Variants in SLC6A12 observed in about 807,000 individuals in gnomAD.
SLC6A12 encodes solute carrier family 6 member 12.
Under a neutral mutation model 73.3 loss-of-function variants are expected in SLC6A12, and 50 were observed. The observed-to-expected ratio is 0.68, with a 90% CI of 0.54 to 0.86. SLC6A12 has a LOEUF of 0.86. Among genes scored for constraint, SLC6A12 ranks in the 40% least tolerant of loss-of-function variants. The probability of loss-of-function intolerance (pLI) is 0.00; values close to 1 mark genes in which losing one functional copy is unlikely to be tolerated. For synonymous variants in SLC6A12, 304 were observed against 309.2 expected (o/e 0.98, Z 0.18); for missense variants, 648 against 772.8 (o/e 0.84, Z 1.92).
chr12:212,409 C>G (rs926103621), intron 1 of SLC6A12, among the ~76,000 whole-genome samples: 1 of 152,064 alleles, frequency 6.6e-6, no homozygotes, highest in Non-Finnish European at 1.5e-5. Flanking sequence ...GGCAGGGAAG[C>G]GAATCACAGA....
intron 2 of SLC6A12, among the ~76,000 whole-genome samples, chr12:211,453 G>T (rs1463935253): frequency 6.6e-6 from 1 of 152,242 alleles, no homozygotes. Context: ...GAGGGAGGAT[G>T]AGGATAGCCA....
chr12:187,130 T>C (rs1303817945), downstream of SLC6A12, among the ~76,000 whole-genome samples: 3 of 152,192 alleles, frequency 2.0e-5, no homozygotes, highest in Non-Finnish European at 2.9e-5. Flanking sequence ...AAATCAATTT[T>C]TTCATGCCAC....
At chr12:204,849 G>A (rs1339804551) in intron 3 of SLC6A12, 151 bp from the exon 4 acceptor site, 12 of 782,344 alleles carry the variant, frequency 1.5e-5, no homozygotes, top group African/African-American at 3.4e-5. Flanking sequence ...TCCTGCCTGC[G>A]TGCAGTCCTG....
downstream of SLC6A12, among the ~76,000 whole-genome samples, chr12:189,695 C>G (rs1939512149): frequency 6.6e-6 from 1 of 152,156 alleles, no homozygotes; most frequent in South Asian, 2.1e-4. Context: ...CAGCACAGAC[C>G]TTATCCAAAC....
intron 15 of SLC6A12, among the ~76,000 whole-genome samples, chr12:191,837 C>T (rs1313103348): frequency 6.6e-6 from 1 of 152,218 alleles, no homozygotes; most frequent in Non-Finnish European, 1.5e-5. Flanking sequence ...TCCCTAAGGG[C>T]CTCTTTAAGC....
chr12:187,484 G>C (rs1222183902), downstream of SLC6A12, among the ~76,000 whole-genome samples: 1 of 151,222 alleles, frequency 6.6e-6, no homozygotes. Context: ...CAGTGGTCTC[G>C]CTGGTTTCAG....
At chr12:185,307 C>A (rs1436655584), downstream of SLC6A12, among the ~76,000 whole-genome samples, 1 of 152,224 alleles carries the variant, frequency 6.6e-6, no homozygotes, top group African/African-American at 2.4e-5. Context: ...AACCCAAATT[C>A]CAAATGCACT....
downstream of SLC6A12, among the ~76,000 whole-genome samples, chr12:187,595 A>AGC (rs1939455312): frequency 0.046 from 301 of 6,614 alleles, 11 homozygotes; most frequent in Middle Eastern, 0.12. Context: ...AGAGCAAAAA[A>AGC]AAAAAAAAAA....
intron 10 of SLC6A12, among the ~76,000 whole-genome samples, 181 bp downstream of exon 10, chr12:197,193 CCAT>C (rs1939958181): frequency 1.8e-5 from 1 of 55,818 alleles, no homozygotes. Context: ...ATCCATCCAT[CCAT>C]TCATCCATCC....
chr12:204,465 G>C (rs1376687491), intron 4 of SLC6A12, 99 bp downstream of exon 4: 9 of 1,181,490 alleles, frequency 7.6e-6, no homozygotes, highest in Admixed American at 5.1e-5. Context: ...GGGAGTGAGC[G>C]GATGGGTGAA....
intron 4 of SLC6A12, chr12:203,377 T>C (rs1940408256): frequency 6.6e-6 from 1 of 152,332 alleles, no homozygotes; most frequent in African/African-American, 2.4e-5. Context: ...CAGAACAGCC[T>C]GGCTGAAAAA....
intron 7 of SLC6A12, among the ~76,000 whole-genome samples, chr12:200,106 CTTTTTTT>C (rs33929668): frequency 9.6e-6 from 1 of 104,576 alleles, no homozygotes; most frequent in Admixed American, 1.1e-4. Flanking sequence ...CCTGAATATT[CTTTTTTT>C]TTTTTTTTTT....
Position 195,318 on chromosome 12 carries a change from A to G in SLC6A12, c.1336T>C (p.Tyr446His). The change falls in exon 13 of 16, where the codon TAC (tyrosine) becomes CAC (histidine). Residue 446 changes from tyrosine (Y) to histidine (H), a missense_variant. Coordinates refer to ENST00000684302, the MANE Select transcript of SLC6A12 (RefSeq NM_001122848.3). ...TAGTAGTCAAACAGCTGGAAGATGT[A>G]CATCCCGCCCTGTGGGGAGAGCGTG... is the stretch of plus-strand genomic sequence containing the variant. ...GLFLVTEGGM[Y>H]IFQLFDYYAS... 1 of 1,608,212 alleles carries G rather than the reference A, an allele frequency of 6.2e-7. No homozygotes were observed. Among genetic ancestry groups the G allele is most frequent in the Non-Finnish European group, 8.5e-7 (1 of 1,174,536 alleles).
rs999816057 is a variant in SLC6A12 at position 201,599 on chromosome 12, C to G, written c.578+163G>C. The G allele has an allele frequency of 1.3e-5, 8 of 623,980 alleles. No homozygotes were observed. In the African/African-American group the frequency reaches 1.5e-4, roughly 11 times the overall value. The allele number at this position is 623,980 out of a possible 1,614,324, so 38.7% of individuals were successfully genotyped here. On this transcript the variant is annotated intron_variant, in intron 6 of 15. Coordinates refer to ENST00000684302, the MANE Select transcript of SLC6A12 (RefSeq NM_001122848.3). ...GGACCCGTGTGGGTAGATGTGAGAG[C>G]GTTCTCCCCTGCCTCAGTGATGTGT... is the stretch of plus-strand genomic sequence containing the variant.
In SLC6A12 at chr12:197,507, G is replaced by T. The variant is rs1177214669; in HGVS notation, c.951-6C>A. ...AGCAGAGGGCGATGCAGTCCCTGTG[G>T]GAGTGGGGCAAGGGCAGACAGGAAC... On this transcript the variant is annotated splice_polypyrimidine_tract_variant and splice_region_variant and intron_variant, in intron 9 of 15. Coordinates refer to ENST00000684302, the MANE Select transcript of SLC6A12 (RefSeq NM_001122848.3). 1.2e-6 allele frequency: 2 copies of T among 1,611,984 alleles called. No individual in the cohort carries two copies. Among genetic ancestry groups the T allele is most frequent in the Admixed American group, 1.7e-5 (1 of 59,682 alleles).
rs1039640999 is a variant in SLC6A12, at chr12:199,018, G to A, written c.712-87C>T. On this transcript the variant is annotated intron_variant, in intron 7 of 15. Coordinates refer to ENST00000684302, the MANE Select transcript of SLC6A12 (RefSeq NM_001122848.3). ...GCCCCACAGGCAGCTCGAGTCACAC[G>A]GAGCTCAGTCCCAACCTCAGAGACA... The A allele has an allele frequency of 1.6e-4, 216 of 1,390,986 alleles. 2 individuals are homozygous for A. Among genetic ancestry groups the A allele is most frequent in the South Asian group, 5.6e-4 (46 of 82,818 alleles). The allele number at this position is 1,390,986 out of a possible 1,614,324, so 86.2% of individuals were successfully genotyped here.
At chr12:195,613 T>A (rs1449350364) in intron 12 of SLC6A12, among the ~76,000 whole-genome samples, 1 of 152,188 alleles carries the variant, frequency 6.6e-6, no homozygotes, top group East Asian at 1.9e-4. Flanking sequence ...CTTTGTTCCT[T>A]TTAGACTGGG....
intron 10 of SLC6A12, among the ~76,000 whole-genome samples, chr12:197,118 C>T (rs370226810): frequency 0.027 from 1,780 of 67,008 alleles, 2 homozygotes; most frequent in African/African-American, 0.099. Context: ...TCCATCCATC[C>T]ATCCATCCAT....
rs1565468955 is a variant in SLC6A12, at chr12:197,116, T to TCTAC, written c.1076-235_1076-234insGTAG. Reference sequence around the variant, plus strand: ...ATCCATCCATCCATCCATCCATCCATCCATCCATCCATCCATCCATCCATC... The same window carrying TCTAC: ...ATCCATCCATCCATCCATCCATCCATCTACCCATCCATCCATCCATCCATCCATC... On this transcript the variant is annotated intron_variant, in intron 10 of 15. Coordinates refer to ENST00000684302, the MANE Select transcript of SLC6A12 (RefSeq NM_001122848.3). Among the ~76,000 whole-genome samples, 105 of 76,288 alleles carry TCTAC rather than the reference T, an allele frequency of 1.4e-3. 1 individual carries two copies. Among genetic ancestry groups the TCTAC allele is most frequent in the African/African-American group, 4.7e-3 (91 of 19,346 alleles). 50.0% of individuals were successfully genotyped at this position (76,288 alleles called of 152,430 possible).
Sources: allele counts gnomAD v4.1 joint callset (sites outside exome capture counted in the v4.1 genomes callset), GRCh38; gene constraint gnomAD v4.1.1; transcripts MANE v1.5; gene names NCBI Gene and HGNC (gene_info 2026-07-23, HGNC 2026-07-21).